Variants in DNAH11 observed in about 807,000 individuals in gnomAD.
The protein encoded by DNAH11 is dynein axonemal heavy chain 11.
In DNAH11, 442 loss-of-function variants were observed where a neutral mutation model predicts 526.0. The observed-to-expected ratio is 0.84, with a 90% CI of 0.78 to 0.91. The LOEUF is 0.91. Ranked by LOEUF, DNAH11 falls within the 40% of genes least tolerant of loss-of-function variation. DNAH11 has a pLI of 0.00. For synonymous variants in DNAH11, 2,461 were observed against 1,935.9 expected (o/e 1.27, Z -7.12); for missense variants, 6,989 against 5,448.7 (o/e 1.28, Z -8.90).
chr7:21,741,832 G>C, intron 48 of DNAH11, 95 bp from the exon 49 acceptor site: 3 of 1,393,482 alleles, frequency 2.2e-6, no homozygotes, highest in Non-Finnish European at 2.9e-6. Context: ...ATGGTAATGG[G>C]CCTGGATACA....
At chr7:21,582,098 C>A in intron 9 of DNAH11, 77 bp downstream of exon 9, 1 of 911,750 alleles carries the variant, frequency 1.1e-6, no homozygotes. Flanking sequence ...GGTGAATTCT[C>A]ATTCAGGTAG....
At chr7:21,569,051 G>A (rs951470139) in intron 6 of DNAH11, among the ~76,000 whole-genome samples, 1 of 152,094 alleles carries the variant, frequency 6.6e-6, no homozygotes, top group African/African-American at 2.4e-5. Flanking sequence ...ATCAGTAGGG[G>A]TTTTAGACAC....
At chr7:21,705,682 G>T (rs761241313) in intron 39 of DNAH11, 145 bp downstream of exon 39, 2 of 728,060 alleles carry the variant, frequency 2.7e-6, no homozygotes, top group Non-Finnish European at 4.6e-6. Context: ...CTGGAATCTT[G>T]CTGCTTGATC....
chr7:21,750,966 G>C (rs1786387552), intron 54 of DNAH11, among the ~76,000 whole-genome samples: 1 of 152,140 alleles, frequency 6.6e-6, no homozygotes, highest in Non-Finnish European at 1.5e-5. Flanking sequence ...TGAGTAGTGA[G>C]GAGAGTTTTG....
chr7:21,785,468 T>C (rs1198735696), intron 58 of DNAH11, among the ~76,000 whole-genome samples: 1 of 152,212 alleles, frequency 6.6e-6, no homozygotes, highest in African/African-American at 2.4e-5. Flanking sequence ...TTAACCATGA[T>C]ATATTAAGTG....
chr7:21,618,997 G>C, intron 23 of DNAH11, 103 bp from the exon 24 acceptor site: 4 of 1,450,314 alleles, frequency 2.8e-6, no homozygotes, highest in Non-Finnish European at 3.8e-6. Flanking sequence ...CTCAGCACCT[G>C]ACTTGAGTAT....
At chr7:21,736,852 T>C (rs1389890308) in intron 46 of DNAH11, among the ~76,000 whole-genome samples, 1 of 152,222 alleles carries the variant, frequency 6.6e-6, no homozygotes, top group East Asian at 1.9e-4. Flanking sequence ...TTCATTCATC[T>C]ATTCAGAAAA....
At chr7:21,760,886 G>T (rs573501704) in intron 54 of DNAH11, among the ~76,000 whole-genome samples, 1 of 151,948 alleles carries the variant, frequency 6.6e-6, no homozygotes, top group Admixed American at 6.6e-5. Context: ...GACTATTCAC[G>T]TGCATATTAT....
chr7:21,773,532 C>T (rs1439173394), intron 55 of DNAH11, among the ~76,000 whole-genome samples: 2 of 152,034 alleles, frequency 1.3e-5, no homozygotes, highest in East Asian at 3.9e-4. Context: ...GTATGTGGAG[C>T]ACATAAAAAC....
chr7:21,677,799 T>C (rs1028125577), intron 30 of DNAH11, among the ~76,000 whole-genome samples: 1 of 152,248 alleles, frequency 6.6e-6, no homozygotes, highest in South Asian at 2.1e-4. Context: ...TGATAGCTCA[T>C]TGTGGTTTTG....
At chr7:21,612,877 T>G (rs1196867461) in intron 20 of DNAH11, among the ~76,000 whole-genome samples, 1 of 152,226 alleles carries the variant, frequency 6.6e-6, no homozygotes, top group African/African-American at 2.4e-5. Context: ...TGTAATTAAT[T>G]GCATTAACAA....
Position 21,901,212 on chromosome 7 carries a change from A to AAAATGGGTTCTGGCTGGAGTGGCTCTGCT in DNAH11, c.13510_13538dup (p.Leu4514AsnfsTer11). On this transcript the variant is annotated frameshift_variant, in exon 82 of 82. Coordinates refer to ENST00000409508, the MANE Select transcript of DNAH11 (RefSeq NM_001277115.2). LOFTEE classifies it high-confidence loss of function. ...GGCTGAAGAGCGAAGAGAAGACTGCAAAATGGGTTCTGGCTGGAGTGGCTC... is the reference window on the plus strand; with the variant it reads ...GGCTGAAGAGCGAAGAGAAGACTGCAAAATGGGTTCTGGCTGGAGTGGCTCTGCTAAATGGGTTCTGGCTGGAGTGGCTC... The AAAATGGGTTCTGGCTGGAGTGGCTCTGCT allele has an allele frequency of 1.2e-6, 2 of 1,613,136 alleles. No homozygotes were observed. The highest frequency in any genetic ancestry group is 1.7e-6 in the Non-Finnish European group (2 of 1,179,502).
chr7:21,886,395 AAC>A (rs1008614235), intron 76 of DNAH11, among the ~76,000 whole-genome samples: 3 of 152,152 alleles, frequency 2.0e-5, no homozygotes, highest in Non-Finnish European at 4.4e-5. Context: ...AATAATGTGG[AAC>A]AGTTTGGAGA....
rs77544480 is a variant in DNAH11, at chr7:21,705,219, C to G, written c.6469-241C>G. Among the ~76,000 whole-genome samples, 1,416 of 152,272 alleles carry G rather than the reference C, an allele frequency of 9.3e-3. 15 individuals carry two copies. The highest frequency in any genetic ancestry group is 0.02 in the African/African-American group (819 of 41,550). On this transcript the variant is annotated intron_variant, in intron 38 of 81. Coordinates refer to ENST00000409508, the MANE Select transcript of DNAH11 (RefSeq NM_001277115.2). ...TAATGATTTTTGTAAGTAACCCCTGCCATATACTGAGTACTGCGTAAAATC... is the reference window on the plus strand; with the variant it reads ...TAATGATTTTTGTAAGTAACCCCTGGCATATACTGAGTACTGCGTAAAATC...
intron 30 of DNAH11, among the ~76,000 whole-genome samples, chr7:21,663,487 GTGT>G (rs1782313455): frequency 6.6e-6 from 1 of 152,044 alleles, no homozygotes; most frequent in Non-Finnish European, 1.5e-5. Context: ...ACCAACATCT[GTGT>G]TGTTGTTGGT....
intron 68 of DNAH11, among the ~76,000 whole-genome samples, chr7:21,859,097 T>C (rs1388984468): frequency 1.3e-5 from 2 of 152,210 alleles, no homozygotes; most frequent in African/African-American, 2.4e-5. Flanking sequence ...CTATGAAACA[T>C]ACATGAATTT....
At chr7:21,559,105 C>T in intron 3 of DNAH11, 107 bp downstream of exon 3, 1 of 917,946 alleles carries the variant, frequency 1.1e-6, no homozygotes, top group Non-Finnish European at 1.6e-6. Flanking sequence ...GGGAGGGTTG[C>T]TTGATCCCAG....
At chr7:21,735,295 C>G (rs900268333) in intron 45 of DNAH11, among the ~76,000 whole-genome samples, 5 of 152,118 alleles carry the variant, frequency 3.3e-5, no homozygotes, top group Non-Finnish European at 7.4e-5. Context: ...TACTATATTC[C>G]CTTCTGTGCT....
Position 21,818,386 on chromosome 7 carries a change from T to A in DNAH11, c.10691+47T>A, listed in dbSNP as rs1362457117. 5 of 1,576,412 alleles carry A rather than the reference T, an allele frequency of 3.2e-6. No individual in the cohort carries two copies. The East Asian group carries it at 1.1e-4, about 36-fold the overall frequency. ...ACATATATATCTTGCTAAATGATTT[T>A]CAGCAGCAGCATCTCTTAGCTTCAT... is the stretch of plus-strand genomic sequence containing the variant. On this transcript the variant is annotated intron_variant, in intron 65 of 81. Transcript: ENST00000409508.
Sources: allele counts gnomAD v4.1 joint callset (sites outside exome capture counted in the v4.1 genomes callset), GRCh38; gene constraint gnomAD v4.1.1; transcripts MANE v1.5; gene names NCBI Gene and HGNC (gene_info 2026-07-23, HGNC 2026-07-21).